FAM228B: variants seen among roughly 807,000 people sequenced by gnomAD.
FAM228B encodes protein FAM228B.
FAM228B carries 38 observed loss-of-function variants against 42.6 expected under a neutral mutation model. The observed-to-expected ratio is 0.89, with a 90% CI of 0.69 to 1.17. The LOEUF is 1.17. Ranked by LOEUF, FAM228B falls within the 50% of genes most tolerant of loss-of-function variation. The pLI is 0.00. For missense variants in FAM228B, 344 were observed against 367.3 expected, an observed-to-expected ratio of 0.94 and a Z score of 0.52; for synonymous variants, 109 against 122.3, an observed-to-expected ratio of 0.89 and a Z score of 0.72.
chr2:24,094,028 A>AC (rs1665447819), intron 2 of FAM228B, among the ~76,000 whole-genome samples: 1 of 107,578 alleles, frequency 9.3e-6, no homozygotes, highest in East Asian at 3.0e-4. Flanking sequence ...ATCGCCACAT[A>AC]CTTTTTTTTT....
At chr2:24,086,092 G>A (rs1665236697) in intron 2 of FAM228B, among the ~76,000 whole-genome samples, 1 of 151,954 alleles carries the variant, frequency 6.6e-6, no homozygotes, top group Non-Finnish European at 1.5e-5. Flanking sequence ...AAAATTAGCC[G>A]GGCGTGGTGG....
At chr2:24,093,273 G>T (rs1042700774) in intron 2 of FAM228B, among the ~76,000 whole-genome samples, 1 of 152,076 alleles carries the variant, frequency 6.6e-6, no homozygotes, top group African/African-American at 2.4e-5. Flanking sequence ...CATGCATCAG[G>T]TGTTTGTCCT....
At chr2:24,164,650 C>G (rs185245385) in intron 9 of FAM228B, among the ~76,000 whole-genome samples, 38 of 152,246 alleles carry the variant, frequency 2.5e-4, no homozygotes, top group African/African-American at 7.5e-4. Flanking sequence ...TTTCCCCAGC[C>G]CCTCTCTCAG....
chr2:24,129,850 C>T (rs527714818), intron 2 of FAM228B, among the ~76,000 whole-genome samples: 3 of 152,172 alleles, frequency 2.0e-5, no homozygotes, highest in African/African-American at 4.8e-5. Context: ...AAGTGCAGGA[C>T]GTGCAGGTTT....
intron 5 of FAM228B, among the ~76,000 whole-genome samples, chr2:24,140,376 C>T (rs1317232669): frequency 6.6e-6 from 1 of 152,078 alleles, no homozygotes; most frequent in Non-Finnish European, 1.5e-5. Flanking sequence ...GAGGTTTCAC[C>T]ATGTTGGCCA....
chr2:24,090,310 G>A (rs1365752344), intron 2 of FAM228B, among the ~76,000 whole-genome samples: 6 of 149,458 alleles, frequency 4.0e-5, no homozygotes, highest in Admixed American at 1.3e-4. Flanking sequence ...GGACTGGCAC[G>A]GTGGCTCAAC....
chr2:24,122,258 G>A (rs1324907279), upstream of FAM228B, among the ~76,000 whole-genome samples: 1 of 151,890 alleles, frequency 6.6e-6, no homozygotes, highest in Admixed American at 6.6e-5. Context: ...CTTGAGAGGC[G>A]GAGGTTGCAG....
chr2:24,156,729 T>C (rs1407912129), intron 7 of FAM228B, among the ~76,000 whole-genome samples: 1 of 152,122 alleles, frequency 6.6e-6, no homozygotes, highest in East Asian at 1.9e-4. Flanking sequence ...ACATTTATTA[T>C]TTATTGAGCT....
intron 2 of FAM228B, among the ~76,000 whole-genome samples, chr2:24,130,586 T>C (rs1666431790): frequency 6.6e-6 from 1 of 152,210 alleles, no homozygotes; most frequent in African/African-American, 2.4e-5. Context: ...TTTCATGTGT[T>C]TGTTGGCCAT....
intron 2 of FAM228B, among the ~76,000 whole-genome samples, chr2:24,082,449 G>A (rs1386139752): frequency 2.6e-5 from 4 of 152,172 alleles, no homozygotes; most frequent in Non-Finnish European, 5.9e-5. Context: ...ATGGTCATCT[G>A]ATCTTATGCA....
At chr2:24,158,789 G>A (rs1667222013) in intron 7 of FAM228B, among the ~76,000 whole-genome samples, 1 of 152,166 alleles carries the variant, frequency 6.6e-6, no homozygotes, top group East Asian at 1.9e-4. Flanking sequence ...AGTCAGAGAG[G>A]AGCTCGAAGT....
At chr2:24,090,638 G>C (rs946625913) in intron 2 of FAM228B, among the ~76,000 whole-genome samples, 1 of 150,870 alleles carries the variant, frequency 6.6e-6, no homozygotes, top group Admixed American at 6.6e-5. Flanking sequence ...AATCAATATT[G>C]GGAAGTCTAT....
At chr2:24,093,554 A>T (rs1166966736) in intron 2 of FAM228B, among the ~76,000 whole-genome samples, 3 of 151,620 alleles carry the variant, frequency 2.0e-5, no homozygotes, top group Non-Finnish European at 4.4e-5. Context: ...TCTATCATTG[A>T]TGGGCATTTG....
chr2:24,122,479 G>A (rs1335741768), upstream of FAM228B: 2 of 1,614,026 alleles, frequency 1.2e-6, no homozygotes, highest in Non-Finnish European at 1.7e-6. Flanking sequence ...GGGCTGCACT[G>A]TCCACATGCT....
At chr2:24,094,188 G>A (rs1206778610) in intron 2 of FAM228B, among the ~76,000 whole-genome samples, 1 of 151,642 alleles carries the variant, frequency 6.6e-6, no homozygotes, top group African/African-American at 2.4e-5. Flanking sequence ...TTGGCCTCCC[G>A]AGTAGTCTCA....
intron 2 of FAM228B, among the ~76,000 whole-genome samples, chr2:24,132,582 G>A (rs1258809250): frequency 1.3e-5 from 2 of 151,232 alleles, no homozygotes; most frequent in Non-Finnish European, 2.9e-5. Context: ...TCTTGGGAGG[G>A]TGTATGTGTC....
intron 2 of FAM228B, among the ~76,000 whole-genome samples, chr2:24,131,742 G>A (rs1666458397): frequency 6.6e-6 from 1 of 152,110 alleles, no homozygotes; most frequent in African/African-American, 2.4e-5. Flanking sequence ...GAGATGATGG[G>A]GTTTTCTAAA....
chr2:24,101,827 C>A (rs1665615163), intron 3 of FAM228B, among the ~76,000 whole-genome samples: 1 of 152,130 alleles, frequency 6.6e-6, no homozygotes, highest in South Asian at 2.1e-4. Context: ...GGACTACAAG[C>A]GCTCACCACC....
At chr2:24,121,189 C>T (rs767746032), upstream of FAM228B, 2 of 1,614,162 alleles carry the variant, frequency 1.2e-6, no homozygotes, top group Non-Finnish European at 8.5e-7. Flanking sequence ...GAATATTCAT[C>T]TGCCCGGACA....
Sources: allele counts gnomAD v4.1 joint callset (sites outside exome capture counted in the v4.1 genomes callset), GRCh38; gene constraint gnomAD v4.1.1; transcripts MANE v1.5; gene names NCBI Gene and HGNC (gene_info 2026-07-23, HGNC 2026-07-21).